Variants in BRWD3 observed in about 807,000 individuals in gnomAD.
BRWD3 encodes bromodomain and WD repeat-containing protein 3.
Under a neutral mutation model 149.7 loss-of-function variants are expected in BRWD3, and 10 were observed. The ratio of observed to expected loss-of-function variants is 0.07; its 90% confidence interval spans 0.04 to 0.11. The LOEUF (loss-of-function observed/expected upper bound fraction) is 0.11. Ranked by LOEUF, BRWD3 falls within the 10% of genes least tolerant of loss-of-function variation. The probability of loss-of-function intolerance (pLI) is 1.00; values close to 1 mark genes in which losing one functional copy is unlikely to be tolerated. For missense variants in BRWD3, 940 were observed against 1,373.2 expected, an observed-to-expected ratio of 0.68 and a Z score of 4.99; for synonymous variants, 504 against 456.7, an observed-to-expected ratio of 1.10 and a Z score of -1.32.
chrX:80,757,952 G>A (rs1200588840), intron 6 of BRWD3, among the ~76,000 whole-genome samples: 3 of 112,234 alleles, frequency 2.7e-5, no homozygotes, highest in African/African-American at 9.7e-5. Flanking sequence ...TGTAATCCCA[G>A]CACTTTGGGA....
chrX:80,696,657 C>A, intron 26 of BRWD3, 82 bp downstream of exon 26: 1 of 1,073,861 alleles, frequency 9.3e-7, no homozygotes, highest in Non-Finnish European at 1.3e-6. Context: ...TGTTTTCTCT[C>A]CCATTGAGCA....
At chrX:80,685,943 C>A (rs1302270753) in intron 35 of BRWD3, among the ~76,000 whole-genome samples, 2 of 111,449 alleles carry the variant, frequency 1.8e-5, no homozygotes, top group African/African-American at 3.3e-5. Context: ...TGAATAGATA[C>A]ACTCCCAGGA....
At chrX:80,775,131 T>C (rs910279371) in intron 6 of BRWD3, among the ~76,000 whole-genome samples, 3 of 112,084 alleles carry the variant, frequency 2.7e-5, no homozygotes, top group Admixed American at 1.9e-4. Context: ...TGCTCATTCA[T>C]TTACATATTA....
At chrX:80,701,585 AT>A (rs1368225271) in intron 24 of BRWD3, among the ~76,000 whole-genome samples, 1 of 106,029 alleles carries the variant, frequency 9.4e-6, no homozygotes, top group African/African-American at 3.4e-5. Context: ...AGTGATAGAG[AT>A]AAGTAAATAG....
chrX:80,730,485 C>A (rs2073315403), intron 12 of BRWD3, among the ~76,000 whole-genome samples: 1 of 109,369 alleles, frequency 9.1e-6, no homozygotes, highest in African/African-American at 3.3e-5. Flanking sequence ...AATAGGCAAA[C>A]CTATAAAGAC....
At chrX:80,806,399 T>C (rs764190366) in intron 4 of BRWD3, among the ~76,000 whole-genome samples, 23 of 111,768 alleles carry the variant, frequency 2.1e-4, no homozygotes, top group Non-Finnish European at 4.1e-4. Flanking sequence ...TTGCCATCTA[T>C]TAAATATTAA....
In BRWD3 at chrX:80,728,838, A is replaced by G. The variant is rs779094763; in HGVS notation, c.1300T>C (p.Tyr434His). 2.7e-5 allele frequency: 33 copies of G among 1,204,266 alleles called. No individual in the cohort carries two copies. In the Middle Eastern group the frequency reaches 6.9e-4, roughly 25 times the overall value. The change falls in exon 14 of 41, where the codon TAT becomes CAT. Residue 434 changes from tyrosine to histidine, a missense_variant. Physicochemically the swap from Tyr to His is moderately conservative, Grantham distance 83. This residue lies in a region of BRWD3 where 209 missense variants were observed against 396.8 expected (regional missense o/e 0.53). Coordinates refer to ENST00000373275, the MANE Select transcript of BRWD3 (RefSeq NM_153252.5). ...ACTGCAGTAATAACTGTGGTATCAT[A>G]GCGATCCCAGGCCACCATAGTCACC... The part of the protein sequence containing the change: ...LKVTMVAWDR[Y>H]DTTVITAVNN...
chrX:80,809,083 C>T, intron 2 of BRWD3, 41 bp from the exon 3 acceptor site: 1 of 1,172,623 alleles, frequency 8.5e-7, no homozygotes, highest in Non-Finnish European at 1.1e-6. Flanking sequence ...GCAGCTCGGG[C>T]CATCAACCCA....
intron 22 of BRWD3, among the ~76,000 whole-genome samples, chrX:80,707,104 C>T: frequency 8.9e-6 from 1 of 112,479 alleles, no homozygotes; most frequent in Non-Finnish European, 1.9e-5. Flanking sequence ...AGGAATTTTT[C>T]AGCTTCATTA....
rs372374523 is a variant in BRWD3 at position 80,692,090 on chromosome X, T to G, written c.3324A>C (p.Gly1108=). 8 of 1,202,853 alleles carry G rather than the reference T, an allele frequency of 6.7e-6. No individual in the cohort carries two copies. Among genetic ancestry groups the G allele is most frequent in the Non-Finnish European group, 9.0e-6 (8 of 889,652 alleles). ...TTCATTTTTTAAAAGCATATTTACT[T>G]CCTTCTGGAATTGGCTCCATATCCC... ...SPWDMEPIPE[G]TAFPDEVGAG... The change falls in exon 29 of 41, where the codon GGA becomes GGC. Residue 1108 remains glycine (G), a splice_region_variant and synonymous_variant. Transcript: ENST00000373275.
chrX:80,779,666 A>ATAGAC (rs1440206315), intron 6 of BRWD3, among the ~76,000 whole-genome samples: 2 of 112,156 alleles, frequency 1.8e-5, no homozygotes, highest in Non-Finnish European at 3.8e-5. Flanking sequence ...ACAGATTAAT[A>ATAGAC]TAGACTAAAA....
chrX:80,698,120 G>A (rs2072727577), intron 25 of BRWD3, among the ~76,000 whole-genome samples: 1 of 111,908 alleles, frequency 8.9e-6, no homozygotes, highest in African/African-American at 3.2e-5. Context: ...TTTAAGAAGT[G>A]TCTGTTCATG....
chrX:80,809,019 C>G lies in BRWD3; in HGVS notation c.114G>C (p.Glu38Asp). The G allele has an allele frequency of 8.4e-7, 1 of 1,195,955 alleles. No homozygotes were observed. The highest frequency in any genetic ancestry group is 1.1e-6 in the Non-Finnish European group (1 of 887,324). ...TCCCGAAGGGGCTCCGTACCTGATG[C>G]TCCTCGAGCTCCTGCACTAGCACCT... is the stretch of plus-strand genomic sequence containing the variant. ...SAQVLVQELE[E>D]HQLIPRRLDW... The change falls in exon 3 of 41, where the codon GAG (glutamate) becomes GAC (aspartate). Residue 38 changes from glutamate to aspartate, a missense_variant. By Grantham distance (45) the Glu-to-Asp change is conservative (BLOSUM62 2). This residue lies in a region of BRWD3 where 105 missense variants were observed against 127.7 expected (regional missense o/e 0.82). Transcript: ENST00000373275.
At chrX:80,780,183 A>T (rs2074042052) in intron 6 of BRWD3, among the ~76,000 whole-genome samples, 1 of 111,000 alleles carries the variant, frequency 9.0e-6, no homozygotes, top group African/African-American at 3.3e-5. Context: ...TCCCTTTGTG[A>T]AGCATAAAGT....
intron 5 of BRWD3, among the ~76,000 whole-genome samples, chrX:80,793,199 TTGA>T (rs1318142431): frequency 9.8e-6 from 1 of 102,467 alleles, no homozygotes; most frequent in African/African-American, 3.5e-5. Context: ...TACTGATAGG[TTGA>T]TATTTTTGCT....
chrX:80,740,700 G>C (rs887563466), intron 8 of BRWD3, among the ~76,000 whole-genome samples: 5 of 110,473 alleles, frequency 4.5e-5, no homozygotes, highest in African/African-American at 1.7e-4. Context: ...AGTGAGCCGA[G>C]ATCCCACCAC....
At chrX:80,772,060 C>T (rs892079219) in intron 6 of BRWD3, among the ~76,000 whole-genome samples, 9 of 111,573 alleles carry the variant, frequency 8.1e-5, no homozygotes, top group African/African-American at 2.6e-4. Flanking sequence ...GACAGTGTGG[C>T]GATTCCTAAA....
At chrX:80,781,887 T>A (rs2074061275) in intron 6 of BRWD3, among the ~76,000 whole-genome samples, 1 of 111,894 alleles carries the variant, frequency 8.9e-6, no homozygotes. Flanking sequence ...ATATTCCATA[T>A]TCATGAATTA....
chrX:80,763,410 C>T lies in BRWD3; in HGVS notation c.431-17681G>A, dbSNP rs192892753. ...TTTCAGTGACTACAACAGATTTCAT[C>T]CCATATCTTAAATTCTAGCTCAAAC... On this transcript the variant is annotated intron_variant, in intron 6 of 40. Coordinates refer to ENST00000373275, the MANE Select transcript of BRWD3 (RefSeq NM_153252.5). Among the ~76,000 whole-genome samples, 352 of 111,663 alleles carry T rather than the reference C, an allele frequency of 3.2e-3. 1 individual carries two copies. The highest frequency in any genetic ancestry group is 9.4e-3 in the Middle Eastern group (2 of 213).
Sources: allele counts gnomAD v4.1 joint callset (sites outside exome capture counted in the v4.1 genomes callset), GRCh38; gene constraint gnomAD v4.1.1; regional missense constraint gnomAD v4.1.1; transcripts MANE v1.5; gene names NCBI Gene and HGNC (gene_info 2026-07-23, HGNC 2026-07-21).